GRM1: variants seen among roughly 807,000 people sequenced by gnomAD.
The protein encoded by GRM1 is metabotropic glutamate receptor 1.
A neutral mutation model predicts 90.9 loss-of-function variants in GRM1; 33 were observed. The observed-to-expected ratio is 0.36, with a 90% CI of 0.28 to 0.49. The LOEUF is 0.49. Ranked by LOEUF, GRM1 falls within the 20% of genes least tolerant of loss-of-function variation. The pLI is 0.99. For synonymous variants in GRM1, 700 were observed against 613.2 expected (o/e 1.14, Z -2.09); for missense variants, 1,190 against 1,534.3 (o/e 0.78, Z 3.75).
chr6:146,231,706 A>G (rs1780455264), intron 2 of GRM1, among the ~76,000 whole-genome samples: 1 of 152,072 alleles, frequency 6.6e-6, no homozygotes, highest in South Asian at 2.1e-4. Flanking sequence ...GATATGGTGA[A>G]TTATATTGAC....
At chr6:146,273,374 A>G (rs1283663565) in intron 2 of GRM1, among the ~76,000 whole-genome samples, 3 of 152,174 alleles carry the variant, frequency 2.0e-5, no homozygotes, top group Non-Finnish European at 4.4e-5. Flanking sequence ...AAAAACCCAC[A>G]GCTTTTATTA....
intron 1 of GRM1, among the ~76,000 whole-genome samples, chr6:146,079,745 C>T (rs1372103240): frequency 6.6e-6 from 1 of 152,126 alleles, no homozygotes; most frequent in African/African-American, 2.4e-5. Flanking sequence ...GAATATAGAA[C>T]ATTAGTGGCT....
rs571413475 is a variant in GRM1, at chr6:146,294,666, C to T, written c.951-9945C>T. Among the ~76,000 whole-genome samples the T allele has an allele frequency of 2.0e-5, 3 of 152,186 alleles. No homozygotes were observed. In the South Asian group the frequency reaches 6.2e-4, roughly 32 times the overall value. ...AATAACAGAGTAGTAAGTTAGATTA[C>T]AAAGAGAGAGATTCACATAGAGGCG... is the stretch of plus-strand genomic sequence containing the variant. On this transcript the variant is annotated intron_variant, in intron 2 of 7. Coordinates refer to ENST00000282753, the MANE Select transcript of GRM1 (RefSeq NM_001278064.2).
At chr6:146,045,806 A>G (rs1791309745) in intron 1 of GRM1, among the ~76,000 whole-genome samples, 1 of 149,738 alleles carries the variant, frequency 6.7e-6, no homozygotes, top group Admixed American at 6.7e-5. Context: ...TTGTGGGTAG[A>G]CTCTACTTAT....
At chr6:146,376,959 G>C (rs905426190) in intron 5 of GRM1, among the ~76,000 whole-genome samples, 4 of 152,028 alleles carry the variant, frequency 2.6e-5, no homozygotes, top group African/African-American at 9.7e-5. Flanking sequence ...TTTATAAAGG[G>C]GAGTTCCCCT....
Position 146,403,613 on chromosome 6 carries a change from T to C in GRM1, c.2660+3914T>C, listed in dbSNP as rs376138411. ...TTTCCACTTTGTTCTCTGCTAGAAA[T>C]ATATTTTGTCCACCAGTAGAAGCAA... On this transcript the variant is annotated intron_variant, in intron 7 of 7. Coordinates refer to ENST00000282753, the MANE Select transcript of GRM1 (RefSeq NM_001278064.2). 9.4e-4 allele frequency among the ~76,000 whole-genome samples: 143 copies of C among 152,214 alleles called. 2 individuals are homozygous for C. The South Asian group carries it at 0.028, about 30-fold the overall frequency.
chr6:146,220,094 T>C (rs1317164462), intron 2 of GRM1, among the ~76,000 whole-genome samples: 1 of 152,168 alleles, frequency 6.6e-6, no homozygotes, highest in Non-Finnish European at 1.5e-5. Flanking sequence ...TATTTGAGTG[T>C]CTTTAATGTA....
chr6:146,396,729 A>G (rs997041231), intron 6 of GRM1, among the ~76,000 whole-genome samples: 4 of 152,220 alleles, frequency 2.6e-5, no homozygotes, highest in African/African-American at 9.6e-5. Context: ...AAGGGAATAA[A>G]CAGATATGGA....
intron 2 of GRM1, among the ~76,000 whole-genome samples, chr6:146,234,195 AT>A (rs1368912929): frequency 1.3e-5 from 2 of 151,330 alleles, no homozygotes; most frequent in Non-Finnish European, 1.5e-5. Context: ...TTAACTTTTT[AT>A]TTTTTTTACT....
chr6:146,124,434 T>C (rs1367871905), intron 1 of GRM1, among the ~76,000 whole-genome samples: 2 of 152,158 alleles, frequency 1.3e-5, no homozygotes, highest in South Asian at 2.1e-4. Context: ...ATTTAGTTTT[T>C]CCACACACAT....
At chr6:146,278,749 A>C (rs1782462208) in intron 2 of GRM1, among the ~76,000 whole-genome samples, 1 of 152,168 alleles carries the variant, frequency 6.6e-6, no homozygotes, top group Non-Finnish European at 1.5e-5. Flanking sequence ...ACGCTACTGC[A>C]CTCCAGCCTG....
intron 2 of GRM1, 22 bp from the exon 3 acceptor site, chr6:146,304,589 C>T (rs1180677195): frequency 6.7e-7 from 1 of 1,487,598 alleles, no homozygotes; most frequent in Non-Finnish European, 9.4e-7. Context: ...TCTCTCCCTA[C>T]CCCAATCCCT....
chr6:146,358,039 G>A, intron 5 of GRM1, among the ~76,000 whole-genome samples: 1 of 152,312 alleles, frequency 6.6e-6, no homozygotes, highest in Non-Finnish European at 1.5e-5. Context: ...CATAGTTCTA[G>A]CTATTGTTAA....
At position 146,229,512 on chromosome 6, in the gene GRM1, C is replaced by T. The variant is rs1299760464; in HGVS notation, c.950+69915C>T. 2.6e-5 allele frequency among the ~76,000 whole-genome samples: 4 copies of T among 151,656 alleles called. No individual in the cohort carries two copies. In the East Asian group the frequency reaches 7.7e-4, roughly 29 times the overall value. On this transcript the variant is annotated intron_variant, in intron 2 of 7. Transcript: ENST00000282753. ...TTGTGCTGCTTAACTTCCTCACCAC[C>T]CTTTCACAAAAGTAACCAAAGTCAC...
chr6:146,203,893 A>T (rs1562527331), intron 2 of GRM1, among the ~76,000 whole-genome samples: 1 of 152,246 alleles, frequency 6.6e-6, no homozygotes. Flanking sequence ...CCCTTTGCTA[A>T]TTCCCTTATC....
At chr6:146,166,449 T>C (rs1416124487) in intron 2 of GRM1, among the ~76,000 whole-genome samples, 1 of 152,138 alleles carries the variant, frequency 6.6e-6, no homozygotes, top group African/African-American at 2.4e-5. Flanking sequence ...TTCAGCTCTG[T>C]TTTTTTCTTT....
rs141847030 is a variant in GRM1, at chr6:146,212,421, T to C, written c.950+52824T>C. ...TTGCCTTCTAATTCTCAGTATAACCTCAAATAAATAAGTCAGTAGGTGACG... is the reference window on the plus strand; with the variant it reads ...TTGCCTTCTAATTCTCAGTATAACCCCAAATAAATAAGTCAGTAGGTGACG... On this transcript the variant is annotated intron_variant, in intron 2 of 7. Transcript: ENST00000282753. Among the ~76,000 whole-genome samples, 943 of 152,314 alleles carry C rather than the reference T, an allele frequency of 6.2e-3. 15 individuals carry two copies. Among genetic ancestry groups the C allele is most frequent in the African/African-American group, 0.021 (884 of 41,582 alleles).
At chr6:146,222,243 T>G (rs1474196905) in intron 2 of GRM1, among the ~76,000 whole-genome samples, 1 of 152,174 alleles carries the variant, frequency 6.6e-6, no homozygotes, top group African/African-American at 2.4e-5. Flanking sequence ...CTGATATGTT[T>G]AAGGAGAATT....
chr6:146,213,726 AG>A (rs1779761424), intron 2 of GRM1, among the ~76,000 whole-genome samples: 3 of 151,502 alleles, frequency 2.0e-5, no homozygotes, highest in African/African-American at 7.3e-5. Flanking sequence ...ATAGATAGAT[AG>A]ATAGATAGAT....
Sources: allele counts gnomAD v4.1 joint callset (sites outside exome capture counted in the v4.1 genomes callset), GRCh38; gene constraint gnomAD v4.1.1; transcripts MANE v1.5; gene names NCBI Gene and HGNC (gene_info 2026-07-23, HGNC 2026-07-21).